TACC2: variants seen among roughly 807,000 people sequenced by gnomAD.
TACC2 encodes the protein transforming acidic coiled-coil containing protein 2.
TACC2 carries 137 observed loss-of-function variants against 227.3 expected under a neutral mutation model. The observed-to-expected ratio is 0.60, with a 90% CI of 0.52 to 0.69. The LOEUF (loss-of-function observed/expected upper bound fraction) is 0.69, where lower values mean the gene tolerates loss of function less well. TACC2 is among the 30% of genes least tolerant of loss of function. The pLI is 0.00. For missense variants in TACC2, 3,470 were observed against 3,694.4 expected (o/e 0.94, Z 1.57); for synonymous variants, 1,523 against 1,487.5 (o/e 1.02, Z -0.55).
At chr10:122,115,030 C>A (rs1471179378) in intron 5 of TACC2, among the ~76,000 whole-genome samples, 1 of 152,230 alleles carries the variant, frequency 6.6e-6, no homozygotes, top group Non-Finnish European at 1.5e-5. Flanking sequence ...GGTAGGACTC[C>A]AACCCCAGAC....
intron 8 of TACC2, among the ~76,000 whole-genome samples, chr10:122,200,611 ACAG>A: frequency 6.8e-6 from 1 of 147,648 alleles, no homozygotes; most frequent in Admixed American, 6.7e-5. Context: ...GGCCACATCT[ACAG>A]TGAGAGGACG....
At chr10:122,116,131 C>T (rs565724343) in intron 5 of TACC2, among the ~76,000 whole-genome samples, 18 of 152,164 alleles carry the variant, frequency 1.2e-4, no homozygotes, top group South Asian at 8.3e-4. Flanking sequence ...TCAGGAGAAA[C>T]GAGAGGCCTG....
chr10:122,001,380 A>G (rs1208453175), intron 1 of TACC2, among the ~76,000 whole-genome samples: 4 of 151,930 alleles, frequency 2.6e-5, no homozygotes, highest in Admixed American at 1.3e-4. Flanking sequence ...ACTTCCCTTT[A>G]TAAAACCATC....
intron 5 of TACC2, among the ~76,000 whole-genome samples, chr10:122,099,025 G>A (rs2081828083): frequency 6.6e-6 from 1 of 152,220 alleles, no homozygotes; most frequent in African/African-American, 2.4e-5. Context: ...TAACATTAGT[G>A]GGTGGGAGTA....
At chr10:122,105,944 CTGTGTGTG>C (rs71022897) in intron 5 of TACC2, among the ~76,000 whole-genome samples, 4 of 145,166 alleles carry the variant, frequency 2.8e-5, no homozygotes, top group African/African-American at 7.7e-5. Context: ...TTTTCTCTCT[CTGTGTGTG>C]TGTGTGTGTG....
At chr10:122,042,283 C>T (rs1320280066) in intron 2 of TACC2, among the ~76,000 whole-genome samples, 2 of 152,056 alleles carry the variant, frequency 1.3e-5, no homozygotes, top group African/African-American at 4.8e-5. Context: ...CACTCTGTCG[C>T]CCAGGCTGGA....
chr10:122,217,269 C>T (rs1288582296), intron 11 of TACC2, among the ~76,000 whole-genome samples: 1 of 152,070 alleles, frequency 6.6e-6, no homozygotes, highest in Non-Finnish European at 1.5e-5. Flanking sequence ...ACTATGGCCA[C>T]ACCTTTTAAT....
chr10:122,218,488 C>G (rs895477530), intron 11 of TACC2, among the ~76,000 whole-genome samples: 1 of 152,148 alleles, frequency 6.6e-6, no homozygotes, highest in African/African-American at 2.4e-5. Context: ...GCTTTGTGCC[C>G]ACGAGGTCTT....
intron 3 of TACC2, among the ~76,000 whole-genome samples, chr10:122,079,323 A>G (rs547276501): frequency 6.6e-6 from 1 of 152,308 alleles, no homozygotes; most frequent in South Asian, 2.1e-4. Flanking sequence ...CCAAACCCCA[A>G]GTAGTTTTCC....
chr10:122,223,795 A>G (rs960244297), intron 11 of TACC2, among the ~76,000 whole-genome samples: 2 of 152,234 alleles, frequency 1.3e-5, no homozygotes, highest in African/African-American at 4.8e-5. Context: ...ATGGATTGCC[A>G]CTGATGCTTT....
chr10:122,185,074 C>T (rs555271636), intron 7 of TACC2, among the ~76,000 whole-genome samples: 1 of 141,612 alleles, frequency 7.1e-6, no homozygotes, highest in East Asian at 2.1e-4. Context: ...TCATGTGGCT[C>T]AGGCTGATCT....
In TACC2 at chr10:122,211,279, C is replaced by T; in HGVS notation, c.6854C>T (p.Pro2285Leu). The change falls in exon 9 of 23, where the codon CCT becomes CTT. Residue 2285 changes from proline (P) to leucine (L), a missense_variant. Pro to Leu is a moderately conservative substitution (Grantham distance 98). Coordinates refer to ENST00000369005, the MANE Select transcript of TACC2 (RefSeq NM_206862.4). ...SWDNQQENPP[P>L]TKKIGKKPVA... is the part of the protein sequence containing the mutation. ...GACAACCAGCAGGAAAACCCCCCTCCTACCAAAAAGATAGGCAAAAAGCCA... is the reference window on the plus strand; with the variant it reads ...GACAACCAGCAGGAAAACCCCCCTCTTACCAAAAAGATAGGCAAAAAGCCA... The T allele has an allele frequency of 6.2e-7, 1 of 1,614,056 alleles. No homozygotes were observed. The highest frequency in any genetic ancestry group is 8.5e-7 in the Non-Finnish European group (1 of 1,179,982).
At position 122,211,723 on chromosome 10, in the gene TACC2, G is replaced by A; in HGVS notation, c.7283+15G>A. On this transcript the variant is annotated intron_variant, in intron 9 of 22. Transcript: ENST00000369005. Reference sequence around the variant, plus strand: ...CCCCTAAAGACGTAAGTTCAGGGGTGGAGGTGGTAAGGATCAGAGGCGGGG... The same window carrying A: ...CCCCTAAAGACGTAAGTTCAGGGGTAGAGGTGGTAAGGATCAGAGGCGGGG... 1 of 1,531,052 alleles carries A rather than the reference G, an allele frequency of 6.5e-7. No homozygotes were observed. The highest frequency in any genetic ancestry group is 8.7e-7 in the Non-Finnish European group (1 of 1,144,820). The allele number at this position is 1,531,052 out of a possible 1,614,324, so 94.8% of individuals were successfully genotyped here.
At chr10:122,203,160 C>G (rs958619527) in intron 8 of TACC2, among the ~76,000 whole-genome samples, 1 of 152,280 alleles carries the variant, frequency 6.6e-6, no homozygotes, top group Admixed American at 6.5e-5. Context: ...GGCCCGTTCT[C>G]AACGAGCTGC....
intron 5 of TACC2, among the ~76,000 whole-genome samples, chr10:122,116,077 C>T (rs1176258024): frequency 6.6e-6 from 1 of 152,114 alleles, no homozygotes; most frequent in Non-Finnish European, 1.5e-5. Flanking sequence ...ATGTTCACAT[C>T]AACTCCCTGC....
At chr10:122,191,986 G>A (rs573264037) in intron 7 of TACC2, among the ~76,000 whole-genome samples, 3 of 152,234 alleles carry the variant, frequency 2.0e-5, no homozygotes, top group Non-Finnish European at 2.9e-5. Flanking sequence ...GTGGACTGCC[G>A]AAATCCTTGC....
intron 3 of TACC2, among the ~76,000 whole-genome samples, chr10:122,057,157 A>G (rs111720582): frequency 0.024 from 3,688 of 152,326 alleles, 69 homozygotes; most frequent in African/African-American, 0.053. Flanking sequence ...ATGCCACTGC[A>G]CTTCAGCTGG....
chr10:122,122,408 G>A (rs1315506772), intron 5 of TACC2, among the ~76,000 whole-genome samples: 1 of 151,722 alleles, frequency 6.6e-6, no homozygotes, highest in East Asian at 1.9e-4. Flanking sequence ...TAGCAGTGAT[G>A]AGGAATCATA....
intron 2 of TACC2, among the ~76,000 whole-genome samples, chr10:122,042,835 C>T (rs1283120120): frequency 6.6e-6 from 1 of 152,170 alleles, no homozygotes; most frequent in Non-Finnish European, 1.5e-5. Context: ...TTAAACCATG[C>T]TGCTGTAGCA....
Sources: gnomAD v4.1 joint callset for allele counts (sites outside exome capture counted in the v4.1 genomes callset) on GRCh38, gnomAD v4.1.1 for gene constraint, MANE v1.5 for transcripts, NCBI Gene and HGNC (gene_info 2026-07-23, HGNC 2026-07-21) for gene names.